Variants in SPON1 observed in about 807,000 individuals in gnomAD.
SPON1 encodes spondin-1.
Under a neutral mutation model 111.7 loss-of-function variants are expected in SPON1, and 52 were observed. That is an observed-to-expected ratio of 0.47 (90% CI 0.37 to 0.59). The LOEUF (loss-of-function observed/expected upper bound fraction) is 0.59. SPON1 is among the 20% of genes least tolerant of loss of function. The probability of loss-of-function intolerance (pLI) is 0.00; values close to 1 mark genes in which losing one functional copy is unlikely to be tolerated. For missense variants in SPON1, 957 were observed against 1,068.5 expected (o/e 0.90, Z 1.46); for synonymous variants, 410 against 395.8 (o/e 1.04, Z -0.43).
chr11:14,246,769 T>G (rs1477314932), intron 7 of SPON1, among the ~76,000 whole-genome samples: 1 of 152,120 alleles, frequency 6.6e-6, no homozygotes, highest in Non-Finnish European at 1.5e-5. Context: ...TGGGGAGAGA[T>G]ATTTACTAAA....
At chr11:14,079,524 A>C (rs1454132020) in intron 4 of SPON1, among the ~76,000 whole-genome samples, 1 of 152,114 alleles carries the variant, frequency 6.6e-6, no homozygotes, top group Non-Finnish European at 1.5e-5. Context: ...AAAATTTGTT[A>C]GAGAAATCCT....
chr11:13,971,998 A>G (rs550395637), intron 1 of SPON1, among the ~76,000 whole-genome samples: 139 of 152,344 alleles, frequency 9.1e-4, no homozygotes, highest in African/African-American at 3.2e-3. Flanking sequence ...TTTGGAATCA[A>G]GGAAAATAAG....
At chr11:14,084,897 CA>C (rs1363184778) in intron 5 of SPON1, among the ~76,000 whole-genome samples, 10 of 152,126 alleles carry the variant, frequency 6.6e-5, no homozygotes, top group Non-Finnish European at 1.5e-4. Flanking sequence ...CCCTAATGAC[CA>C]GTGATGATGA....
chr11:14,160,619 A>ATATATATTTATATATATT (rs1847915072), intron 6 of SPON1, among the ~76,000 whole-genome samples: 1 of 24,484 alleles, frequency 4.1e-5, no homozygotes, highest in Non-Finnish European at 7.3e-5. Flanking sequence ...ATATATATTT[A>ATATATATTTATATATATT]TATATATATT....
intron 4 of SPON1, among the ~76,000 whole-genome samples, chr11:14,079,649 T>C (rs1848945247): frequency 6.6e-6 from 1 of 152,046 alleles, no homozygotes; most frequent in East Asian, 1.9e-4. Flanking sequence ...GCCTATGGGT[T>C]ATTGCTCCCA....
At chr11:14,240,239 T>C (rs1848911113) in intron 6 of SPON1, among the ~76,000 whole-genome samples, 1 of 152,226 alleles carries the variant, frequency 6.6e-6, no homozygotes, top group South Asian at 2.1e-4. Context: ...AGCAAGATTC[T>C]CTCTGATCCT....
intron 6 of SPON1, among the ~76,000 whole-genome samples, chr11:14,160,995 T>TTATA (rs1391653498): frequency 0.015 from 160 of 10,552 alleles, 2 homozygotes; most frequent in Non-Finnish European, 0.021. Flanking sequence ...ATATATATTT[T>TTATA]TATATATTTA....
chr11:14,214,753 C>A (rs1591413996), intron 6 of SPON1, among the ~76,000 whole-genome samples: 1 of 152,268 alleles, frequency 6.6e-6, no homozygotes, highest in South Asian at 2.1e-4. Flanking sequence ...GAACATTGTA[C>A]CATTTTCAAC....
chr11:14,155,962 A>G (rs1241580110), intron 6 of SPON1, among the ~76,000 whole-genome samples: 4 of 132,012 alleles, frequency 3.0e-5, no homozygotes, highest in Admixed American at 7.8e-5. Flanking sequence ...ATAAACATAC[A>G]TGTGCATGTG....
chr11:14,221,702 T>TTC (rs1848682907), intron 6 of SPON1, among the ~76,000 whole-genome samples: 1 of 152,164 alleles, frequency 6.6e-6, no homozygotes, highest in Admixed American at 6.5e-5. Flanking sequence ...ATCTCCTTCT[T>TTC]ATCAATGGGG....
Position 14,210,784 on chromosome 11 carries a change from G to C in SPON1, c.826-32548G>C, listed in dbSNP as rs146244932. 5.3e-3 allele frequency among the ~76,000 whole-genome samples: 802 copies of C among 152,290 alleles called. 6 individuals carry two copies. The highest frequency in any genetic ancestry group is 0.018 in the African/African-American group (759 of 41,564). On this transcript the variant is annotated intron_variant, in intron 6 of 15. Coordinates refer to ENST00000576479, the MANE Select transcript of SPON1 (RefSeq NM_006108.4). ...TATCTTGAGTTAATTTTTGTATAAG[G>C]TGTAAGGAAGGGGTCCAGTTTCAGT...
Position 14,138,515 on chromosome 11 carries a change from G to A in SPON1, c.825+2947G>A, listed in dbSNP as rs182762662. 5.5e-4 allele frequency among the ~76,000 whole-genome samples: 83 copies of A among 152,172 alleles called. 1 individual carries two copies. The highest frequency in any genetic ancestry group is 3.4e-3 in the Middle Eastern group (1 of 294). ...GGAAGGCCACAATGCTCACCCTTTC[G>A]TGGAAGGACAAAGGCAAATGTGTCC... On this transcript the variant is annotated intron_variant, in intron 6 of 15. Coordinates refer to ENST00000576479, the MANE Select transcript of SPON1 (RefSeq NM_006108.4).
At chr11:14,198,456 G>T (rs1176811900) in intron 6 of SPON1, among the ~76,000 whole-genome samples, 1 of 152,210 alleles carries the variant, frequency 6.6e-6, no homozygotes, top group Non-Finnish European at 1.5e-5. Flanking sequence ...TACCAGCTTG[G>T]TTTGTTGCTA....
chr11:14,259,296 C>T lies in SPON1; in HGVS notation c.1509C>T (p.Thr503=), dbSNP rs1849144281. 1.2e-6 allele frequency: 2 copies of T among 1,612,392 alleles called. No homozygotes were observed. The highest frequency in any genetic ancestry group is 1.7e-4 in the Middle Eastern group (1 of 6,048). ...GTGTTGCAGACGGCTCCACCTGCAC[C>T]ATGTCCGAGTGGATCACCTGGTCGC... The part of the protein sequence containing the change: ...GCSDEDGSTC[T]MSEWITWSPC... The change falls in exon 12 of 16, where the codon ACC becomes ACT. Residue 503 remains threonine (T), a synonymous_variant. Coordinates refer to ENST00000576479, the MANE Select transcript of SPON1 (RefSeq NM_006108.4). The surrounding 1 kb of genome is among the most constrained non-coding windows in gnomAD (Gnocchi z 5.0).
intron 3 of SPON1, among the ~76,000 whole-genome samples, chr11:14,045,344 A>AG (rs1338629122): frequency 2.0e-5 from 3 of 152,136 alleles, no homozygotes; most frequent in African/African-American, 4.8e-5. Context: ...CCGAGCCGAG[A>AG]GGGGGGCAGA....
At chr11:14,215,320 A>G (rs962765783) in intron 6 of SPON1, among the ~76,000 whole-genome samples, 3 of 152,124 alleles carry the variant, frequency 2.0e-5, no homozygotes, top group African/African-American at 7.2e-5. Context: ...GACCTGGGTT[A>G]TTTCTTCTTC....
At chr11:14,068,990 G>A (rs1348896659) in intron 3 of SPON1, among the ~76,000 whole-genome samples, 1 of 152,188 alleles carries the variant, frequency 6.6e-6, no homozygotes. Context: ...GTTTTGCAAA[G>A]TGTCACCATT....
intron 5 of SPON1, among the ~76,000 whole-genome samples, chr11:14,102,978 G>A (rs574565275): frequency 7.9e-5 from 12 of 152,106 alleles, no homozygotes; most frequent in South Asian, 2.1e-4. Context: ...ATTCTCTTTC[G>A]CTAGTTGTAC....
intron 5 of SPON1, among the ~76,000 whole-genome samples, chr11:14,124,910 G>T (rs1233509954): frequency 1.3e-5 from 2 of 152,218 alleles, no homozygotes; most frequent in African/African-American, 2.4e-5. Flanking sequence ...GAACGGAAAA[G>T]TGGCACTTTC....
Sources: allele counts gnomAD v4.1 joint callset (sites outside exome capture counted in the v4.1 genomes callset), GRCh38; gene constraint gnomAD v4.1.1; non-coding constraint Gnocchi (gnomAD v3.1); transcripts MANE v1.5; gene names NCBI Gene and HGNC (gene_info 2026-07-23, HGNC 2026-07-21).